Variants in PAM observed in about 807,000 individuals in gnomAD.
PAM encodes the protein peptidyl-glycine alpha-amidating monooxygenase.
A neutral mutation model predicts 122.1 loss-of-function variants in PAM; 72 were observed. The ratio of observed to expected loss-of-function variants is 0.59; its 90% CI spans 0.49 to 0.72. The LOEUF (loss-of-function observed/expected upper bound fraction) is 0.72. Among genes scored for constraint, PAM ranks in the 30% least tolerant of loss-of-function variants. The probability of loss-of-function intolerance (pLI) is 0.00; values close to 1 mark genes in which losing one functional copy is unlikely to be tolerated. For missense variants in PAM, 1,106 were observed against 1,183.7 expected, an observed-to-expected ratio of 0.93 and a Z score of 0.96; for synonymous variants, 389 against 404.4, an observed-to-expected ratio of 0.96 and a Z score of 0.46.
intron 7 of PAM, among the ~76,000 whole-genome samples, chr5:102,938,115 G>A (rs1753875650): frequency 6.6e-6 from 1 of 152,064 alleles, no homozygotes; most frequent in Non-Finnish European, 1.5e-5. Flanking sequence ...ATGATTTTAG[G>A]ACTATTTAGT....
chr5:102,867,535 G>T, intron 3 of PAM, 142 bp downstream of exon 3: 1 of 496,414 alleles, frequency 2.0e-6, no homozygotes, highest in Non-Finnish European at 3.5e-6. Flanking sequence ...TAGAATAATT[G>T]AATATTTTAA....
intron 1 of PAM, among the ~76,000 whole-genome samples, chr5:102,841,345 AC>A (rs1778553628): frequency 6.6e-6 from 1 of 151,576 alleles, no homozygotes; most frequent in South Asian, 2.1e-4. Flanking sequence ...ATATTCTGGG[AC>A]CCAGAATTAA....
intron 15 of PAM, among the ~76,000 whole-genome samples, chr5:102,984,679 C>G (rs1771138902): frequency 1.3e-5 from 2 of 152,102 alleles, no homozygotes; most frequent in Non-Finnish European, 2.9e-5. Context: ...TCGGACAGAT[C>G]ATGTAGACAG....
intron 1 of PAM, among the ~76,000 whole-genome samples, chr5:102,841,635 G>T (rs1220789485): frequency 6.6e-6 from 1 of 152,124 alleles, no homozygotes; most frequent in African/African-American, 2.4e-5. Context: ...CTTTACAGAT[G>T]AACATAAATG....
intron 1 of PAM, among the ~76,000 whole-genome samples, chr5:102,769,398 T>C (rs1755094089): frequency 6.6e-6 from 1 of 152,194 alleles, no homozygotes; most frequent in Admixed American, 6.5e-5. Context: ...GGCCTGTGCT[T>C]ATGGGGTATT....
chr5:102,990,528 ATG>A (rs1295893499), intron 16 of PAM, 127 bp downstream of exon 16: 2 of 601,262 alleles, frequency 3.3e-6, no homozygotes, highest in Non-Finnish European at 5.3e-6. Flanking sequence ...TATGAGCAAA[ATG>A]TATTTGTCCT....
At chr5:102,865,152 G>A (rs1785187775) in intron 1 of PAM, 1 of 152,188 alleles carries the variant, frequency 6.6e-6, no homozygotes, top group African/African-American at 2.4e-5. Flanking sequence ...TTGCTTATGA[G>A]ATGCAGGATT....
At chr5:102,865,298 C>T (rs1324670780) in intron 1 of PAM, 1 of 152,208 alleles carries the variant, frequency 6.6e-6, no homozygotes. Context: ...CCTCTTGGAT[C>T]TGTAGCTCTG....
chr5:102,927,746 ATATT>A (rs1047634606), intron 7 of PAM, among the ~76,000 whole-genome samples: 11 of 149,638 alleles, frequency 7.4e-5, no homozygotes, highest in Non-Finnish European at 1.0e-4. Context: ...ATCAATTAAT[ATATT>A]TATTAATACA....
intron 1 of PAM, among the ~76,000 whole-genome samples, chr5:102,797,345 A>T (rs988429484): frequency 6.6e-6 from 1 of 152,210 alleles, no homozygotes; most frequent in Non-Finnish European, 1.5e-5. Flanking sequence ...ATATTATTTT[A>T]AAATTAATAT....
chr5:102,784,171 G>A (rs1581029467), intron 1 of PAM, among the ~76,000 whole-genome samples: 1 of 152,100 alleles, frequency 6.6e-6, no homozygotes, highest in African/African-American at 2.4e-5. Flanking sequence ...GGGATTACAG[G>A]CGTGAGCCAC....
chr5:102,951,241 A>C (rs2150088411), intron 12 of PAM, among the ~76,000 whole-genome samples: 1 of 152,172 alleles, frequency 6.6e-6, no homozygotes, highest in South Asian at 2.1e-4. Context: ...GAATTTAATA[A>C]TTTCCAGTTG....
At chr5:102,801,978 C>T (rs1349772770) in intron 1 of PAM, among the ~76,000 whole-genome samples, 1 of 150,784 alleles carries the variant, frequency 6.6e-6, no homozygotes, top group Non-Finnish European at 1.5e-5. Context: ...CGGGGTTTCA[C>T]CGTGTTAGCC....
At chr5:102,809,018 T>C (rs1767053772) in intron 1 of PAM, among the ~76,000 whole-genome samples, 1 of 152,212 alleles carries the variant, frequency 6.6e-6, no homozygotes, top group South Asian at 2.1e-4. Context: ...CGTGAATATT[T>C]TCCTTGAGAA....
chr5:102,933,958 T>C (rs1272786876), intron 7 of PAM, among the ~76,000 whole-genome samples: 1 of 152,216 alleles, frequency 6.6e-6, no homozygotes, highest in Non-Finnish European at 1.5e-5. Flanking sequence ...TCCCTGTTGC[T>C]TTCCCTGTTG....
At chr5:102,828,855 C>G (rs1174931751) in intron 1 of PAM, among the ~76,000 whole-genome samples, 1 of 151,102 alleles carries the variant, frequency 6.6e-6, no homozygotes, top group Non-Finnish European at 1.5e-5. Flanking sequence ...AGCTCTCAGC[C>G]TAGGCTGAAA....
intron 12 of PAM, among the ~76,000 whole-genome samples, chr5:102,956,029 C>T (rs2150156017): frequency 6.6e-6 from 1 of 152,070 alleles, no homozygotes; most frequent in South Asian, 2.1e-4. Flanking sequence ...GACTACAAGT[C>T]TAATTATAGA....
chr5:102,862,458 T>C (rs1784448918), intron 1 of PAM, among the ~76,000 whole-genome samples: 1 of 152,178 alleles, frequency 6.6e-6, no homozygotes, highest in African/African-American at 2.4e-5. Flanking sequence ...TGTGAATGGA[T>C]ATGTGCCCTT....
chr5:103,024,160 A>G (rs1302582688), intron 23 of PAM, among the ~76,000 whole-genome samples: 1 of 152,134 alleles, frequency 6.6e-6, no homozygotes, highest in African/African-American at 2.4e-5. Context: ...TGTGGTTGTA[A>G]CTTTTAGTCT....
Sources: allele counts gnomAD v4.1 joint callset (sites outside exome capture counted in the v4.1 genomes callset), GRCh38; gene constraint gnomAD v4.1.1; transcripts MANE v1.5; gene names NCBI Gene and HGNC (gene_info 2026-07-23, HGNC 2026-07-21).